FAM171B: variants seen among roughly 807,000 people sequenced by gnomAD.
FAM171B encodes protein FAM171B.
A neutral mutation model predicts 75.6 loss-of-function variants in FAM171B; 19 were observed. The ratio of observed to expected loss-of-function variants is 0.25; its 90% CI spans 0.18 to 0.37. The LOEUF is 0.37. FAM171B is among the 10% of genes least tolerant of loss of function. FAM171B has a pLI of 1.00. For synonymous variants in FAM171B, 367 were observed against 361.7 expected, an observed-to-expected ratio of 1.01 and a Z score of -0.17; for missense variants, 848 against 982.4, an observed-to-expected ratio of 0.86 and a Z score of 1.83.
At chr2:186,699,385 G>C (rs1233134803) in intron 1 of FAM171B, among the ~76,000 whole-genome samples, 1 of 152,178 alleles carries the variant, frequency 6.6e-6, no homozygotes, top group African/African-American at 2.4e-5. Context: ...CAGTGATGTT[G>C]AGACCTTTTC....
At chr2:186,706,394 C>T (rs76538608) in intron 1 of FAM171B, among the ~76,000 whole-genome samples, 3,205 of 152,208 alleles carry the variant, frequency 0.021, 55 homozygotes, top group Middle Eastern at 0.037. Flanking sequence ...TTTTGATTCA[C>T]ACTTCTCATG....
intron 1 of FAM171B, among the ~76,000 whole-genome samples, chr2:186,707,844 A>T (rs572662473): frequency 0.1 from 11,664 of 111,738 alleles, 502 homozygotes; most frequent in South Asian, 0.15. Flanking sequence ...TTTTTTTTAA[A>T]AAAAAAAAAA....
At chr2:186,736,567 G>GTGTGTGAGA (rs55683607) in intron 1 of FAM171B, among the ~76,000 whole-genome samples, 5 of 104,626 alleles carry the variant, frequency 4.8e-5, no homozygotes, top group African/African-American at 1.7e-4. Context: ...TGTGTGTGTG[G>GTGTGTGAGA]GAGAGAGAGA....
At chr2:186,742,294 A>G (rs1486743507) in intron 2 of FAM171B, among the ~76,000 whole-genome samples, 1 of 152,148 alleles carries the variant, frequency 6.6e-6, no homozygotes. Context: ...GATTCTCCTC[A>G]TGTTTAACAG....
chr2:186,752,289 T>C (rs1046440092), intron 5 of FAM171B, among the ~76,000 whole-genome samples: 1 of 152,148 alleles, frequency 6.6e-6, no homozygotes, highest in South Asian at 2.1e-4. Context: ...TCATGTTGGC[T>C]GAGAATAGGG....
chr2:186,746,410 A>C (rs1260659445), intron 3 of FAM171B, among the ~76,000 whole-genome samples: 1 of 152,212 alleles, frequency 6.6e-6, no homozygotes, highest in African/African-American at 2.4e-5. Context: ...ACCCAGTCCT[A>C]ATCTGGCTTA....
chr2:186,747,257 TCTA>T lies in FAM171B; in HGVS notation c.724+10_724+12del. On this transcript the variant is annotated splice_region_variant and intron_variant, in intron 4 of 7. Transcript: ENST00000304698. ...ATTACTCTCAATAAACCAGGTATTA[TCTA>T]CTTTTTGTATAATATAGTTATAAGA... is the stretch of plus-strand genomic sequence containing the variant. 6.4e-7 allele frequency: 1 copy of T among 1,562,830 alleles called. No homozygotes were observed. The highest frequency in any genetic ancestry group is 8.6e-7 in the Non-Finnish European group (1 of 1,158,982).
chr2:186,742,878 A>T (rs980958753), intron 2 of FAM171B, among the ~76,000 whole-genome samples: 10 of 152,200 alleles, frequency 6.6e-5, no homozygotes, highest in African/African-American at 2.4e-4. Flanking sequence ...TCATCCCAAC[A>T]GGTAGTTCAG....
chr2:186,723,692 A>C (rs1391946342), intron 1 of FAM171B, among the ~76,000 whole-genome samples: 1 of 152,222 alleles, frequency 6.6e-6, no homozygotes, highest in East Asian at 1.9e-4. Context: ...TGCTGAAGGA[A>C]GAAATGTTAA....
chr2:186,732,520 G>T (rs1690132661), intron 1 of FAM171B, among the ~76,000 whole-genome samples: 1 of 152,160 alleles, frequency 6.6e-6, no homozygotes, highest in Non-Finnish European at 1.5e-5. Context: ...AAGTTTTAGA[G>T]CAGGCATGAA....
intron 1 of FAM171B, among the ~76,000 whole-genome samples, chr2:186,725,181 A>G (rs1690012355): frequency 7.5e-6 from 1 of 132,932 alleles, no homozygotes; most frequent in African/African-American, 2.7e-5. Flanking sequence ...TGTCTCTACT[A>G]AAAATACAAA....
intron 3 of FAM171B, 24 bp downstream of exon 3, chr2:186,743,599 G>C (rs375020464): frequency 4.0e-5 from 56 of 1,417,478 alleles, no homozygotes; most frequent in Non-Finnish European, 5.3e-5. Context: ...TTCTTACTAA[G>C]TAAACACTTA....
At chr2:186,739,278 G>A (rs919956975) in intron 1 of FAM171B, among the ~76,000 whole-genome samples, 5 of 151,998 alleles carry the variant, frequency 3.3e-5, no homozygotes, top group African/African-American at 1.2e-4. Context: ...CTCCATGGTG[G>A]TATACTTAGG....
At chr2:186,736,412 T>C (rs992153457) in intron 1 of FAM171B, among the ~76,000 whole-genome samples, 3 of 152,146 alleles carry the variant, frequency 2.0e-5, no homozygotes, top group Non-Finnish European at 4.4e-5. Flanking sequence ...AGGTTTTTTT[T>C]GAAGAGTAAG....
intron 1 of FAM171B, among the ~76,000 whole-genome samples, chr2:186,697,507 G>A (rs1470137342): frequency 6.6e-6 from 1 of 152,118 alleles, no homozygotes; most frequent in Non-Finnish European, 1.5e-5. Context: ...TCCCATCTCA[G>A]CCTCCCAAAA....
intron 1 of FAM171B, among the ~76,000 whole-genome samples, chr2:186,737,459 C>A (rs1374241085): frequency 6.6e-6 from 1 of 152,116 alleles, no homozygotes; most frequent in Non-Finnish European, 1.5e-5. Flanking sequence ...TGGGCTAAAT[C>A]ATCCTTCCTT....
chr2:186,757,660 A>C (rs1690551446), intron 6 of FAM171B, among the ~76,000 whole-genome samples: 1 of 152,182 alleles, frequency 6.6e-6, no homozygotes, highest in Non-Finnish European at 1.5e-5. Flanking sequence ...TTAATAAACA[A>C]GTGTTTTAAA....
At chr2:186,698,847 T>C (rs1445862860) in intron 1 of FAM171B, among the ~76,000 whole-genome samples, 1 of 152,222 alleles carries the variant, frequency 6.6e-6, no homozygotes, top group Non-Finnish European at 1.5e-5. Flanking sequence ...AGTTTAATGG[T>C]TTTACATTTT....
chr2:186,711,749 T>G (rs916719095), intron 1 of FAM171B, among the ~76,000 whole-genome samples: 7 of 152,236 alleles, frequency 4.6e-5, no homozygotes, highest in Non-Finnish European at 1.0e-4. Context: ...AAGCCCTAAC[T>G]TCAAGCAAAT....
Sources: gnomAD v4.1 joint callset for allele counts (sites outside exome capture counted in the v4.1 genomes callset) on GRCh38, gnomAD v4.1.1 for gene constraint, MANE v1.5 for transcripts, NCBI Gene and HGNC (gene_info 2026-07-23, HGNC 2026-07-21) for gene names.